The following DCDC2 variants were observed in gnomAD, a reference collection of about 807,000 sequenced individuals.
DCDC2 encodes doublecortin domain-containing protein 2.
In DCDC2, 40 loss-of-function variants were observed where a neutral mutation model predicts 50.2. The observed-to-expected ratio is 0.80, with a 90% CI of 0.62 to 1.04. The LOEUF (loss-of-function observed/expected upper bound fraction) is 1.04, where lower values mean the gene tolerates loss of function less well. Among genes scored for constraint, DCDC2 ranks in the 50% least tolerant of loss-of-function variants. The pLI is 0.00. For synonymous variants in DCDC2, 234 were observed against 210.6 expected, an observed-to-expected ratio of 1.11 and a Z score of -0.96; for missense variants, 570 against 581.9, an observed-to-expected ratio of 0.98 and a Z score of 0.21.
At chr6:24,370,731 T>C in the DCDC2 span, among the ~76,000 whole-genome samples, 3 of 152,196 alleles carry the variant, frequency 2.0e-5, no homozygotes, top group Admixed American at 2.0e-4. Context: ...AATAAAAACG[T>C]AGATTCGCAT....
At chr6:24,345,936 T>C (rs1760245780) in intron 2 of DCDC2, among the ~76,000 whole-genome samples, 1 of 152,114 alleles carries the variant, frequency 6.6e-6, no homozygotes, top group Non-Finnish European at 1.5e-5. Flanking sequence ...TCCCAGCACT[T>C]TGGGAGGCCG....
intron 7 of DCDC2, among the ~76,000 whole-genome samples, chr6:24,220,849 G>A (rs1009172947): frequency 7.2e-4 from 12 of 16,768 alleles, no homozygotes; most frequent in Admixed American, 2.4e-3. Flanking sequence ...CTTACATGGC[G>A]GCAGGAGAGA....
In DCDC2 at chr6:24,357,625, G is replaced by A. The variant is rs750478693; in HGVS notation, c.126C>T (p.Ser42=). 1.4e-5 allele frequency: 23 copies of A among 1,613,500 alleles called. No homozygotes were observed. In the South Asian group the frequency reaches 2.2e-4, roughly 15 times the overall value. ...CCTCCTTCAGGAAGACTTCGAAGCTGGACACCTTCTTCTCATGGATGACGA... is the reference window on the plus strand; with the variant it reads ...CCTCCTTCAGGAAGACTTCGAAGCTAGACACCTTCTTCTCATGGATGACGA... The part of the protein sequence containing the change: ...RRVVIHEKKV[S]SFEVFLKEVT... Residue 42 remains serine, a synonymous_variant, in exon 1 of 10, where the codon TCC becomes TCT. Transcript: ENST00000378454.
intron 2 of DCDC2, among the ~76,000 whole-genome samples, chr6:24,306,709 T>C (rs1397994636): frequency 6.6e-6 from 1 of 152,182 alleles, no homozygotes; most frequent in Non-Finnish European, 1.5e-5. Flanking sequence ...CTCCAATATA[T>C]CACCCTGTCT....
At chr6:24,178,195 G>T in intron 9 of DCDC2, 135 bp downstream of exon 9, 1 of 824,984 alleles carries the variant, frequency 1.2e-6, no homozygotes, top group Non-Finnish European at 1.9e-6. Flanking sequence ...GGATTAAATG[G>T]TATTGGATCT....
At chr6:24,208,393 TG>T (rs1205845152) in intron 7 of DCDC2, among the ~76,000 whole-genome samples, 1 of 129,516 alleles carries the variant, frequency 7.7e-6, no homozygotes, top group East Asian at 2.3e-4. Context: ...TTTTTTGAGA[TG>T]GAGTCTCACT....
chr6:24,326,202 G>A (rs796426715), intron 2 of DCDC2, among the ~76,000 whole-genome samples: 2 of 139,708 alleles, frequency 1.4e-5, no homozygotes, highest in Non-Finnish European at 3.2e-5. Context: ...AGAAAGGAAG[G>A]AAGGAAAGAA....
intron 4 of DCDC2, among the ~76,000 whole-genome samples, chr6:24,294,067 C>T (rs538679654): frequency 6.6e-6 from 1 of 152,260 alleles, no homozygotes; most frequent in East Asian, 1.9e-4. Flanking sequence ...ATGCCCACAT[C>T]AAAAAGTTGC....
intron 8 of DCDC2, among the ~76,000 whole-genome samples, chr6:24,204,376 C>G (rs961539826): frequency 1.6e-4 from 25 of 152,268 alleles, no homozygotes; most frequent in African/African-American, 6.0e-4. Flanking sequence ...TCTCAGCAAA[C>G]TAACACAGGA....
chr6:24,296,118 A>G (rs1021749048), intron 4 of DCDC2, among the ~76,000 whole-genome samples: 2 of 152,202 alleles, frequency 1.3e-5, no homozygotes, highest in African/African-American at 4.8e-5. Context: ...GTATTGGGAC[A>G]AAAACAGACA....
chr6:24,225,408 T>TACAC lies in DCDC2; in HGVS notation c.923-20310_923-20307dup, dbSNP rs149354141. 9.6e-3 allele frequency among the ~76,000 whole-genome samples: 1,457 copies of TACAC among 151,462 alleles called. 12 individuals carry two copies. The highest frequency in any genetic ancestry group is 0.019 in the African/African-American group (787 of 41,296). ...CAGAAAAACATGCAGTTAAACTTGA[T>TACAC]ACACACACACACACACAAATATGTG... On this transcript the variant is annotated intron_variant, in intron 7 of 9. Transcript: ENST00000378454.
rs1024316971 is a variant in DCDC2 at position 24,345,036 on chromosome 6, A to G, written c.348+8533T>C. Among the ~76,000 whole-genome samples the G allele has an allele frequency of 2.6e-5, 4 of 152,306 alleles. No homozygotes were observed. The East Asian group carries it at 7.7e-4, about 29-fold the overall frequency. On this transcript the variant is annotated intron_variant, in intron 2 of 9. Transcript: ENST00000378454. ...ATAAACCTGACTAACATAATCCGGA[A>G]AGTTTTCCTCAAGTTAACATAATCT...
intron 8 of DCDC2, among the ~76,000 whole-genome samples, chr6:24,196,102 A>T (rs1761430790): frequency 6.6e-6 from 1 of 152,220 alleles, no homozygotes. Context: ...GACATTAACT[A>T]GCTAATGGCC....
At chr6:24,185,697 A>G (rs1193399709) in intron 8 of DCDC2, among the ~76,000 whole-genome samples, 3 of 57,382 alleles carry the variant, frequency 5.2e-5, no homozygotes, top group African/African-American at 2.4e-4. Flanking sequence ...ATACACACAC[A>G]CACACACACA....
the DCDC2 span, among the ~76,000 whole-genome samples, chr6:24,374,161 CAAA>C: frequency 5.1e-5 from 3 of 59,068 alleles, no homozygotes; most frequent in African/African-American, 5.8e-5. Context: ...GACTCCATTT[CAAA>C]AAAAAAAAAA....
At chr6:24,331,720 T>C (rs962352298) in intron 2 of DCDC2, among the ~76,000 whole-genome samples, 4 of 152,148 alleles carry the variant, frequency 2.6e-5, no homozygotes, top group South Asian at 2.1e-4. Flanking sequence ...TCAGACTAAA[T>C]TGTACATGTA....
intron 5 of DCDC2, among the ~76,000 whole-genome samples, chr6:24,290,365 A>G (rs993260372): frequency 5.3e-5 from 8 of 152,194 alleles, no homozygotes; most frequent in African/African-American, 1.9e-4. Context: ...AATATATGAC[A>G]TTTCATGGAG....
intron 7 of DCDC2, among the ~76,000 whole-genome samples, chr6:24,220,391 AC>A (rs1387631795): frequency 6.6e-6 from 1 of 152,238 alleles, no homozygotes; most frequent in Non-Finnish European, 1.5e-5. Flanking sequence ...ATTAACAACA[AC>A]AAAAAAACAA....
chr6:24,192,541 T>C (rs1192439169), intron 8 of DCDC2, among the ~76,000 whole-genome samples: 1 of 151,858 alleles, frequency 6.6e-6, no homozygotes, highest in African/African-American at 2.4e-5. Context: ...GAAAGGAAAG[T>C]GTAAAATAAT....
Sources: allele counts gnomAD v4.1 joint callset (sites outside exome capture counted in the v4.1 genomes callset), GRCh38; gene constraint gnomAD v4.1.1; transcripts MANE v1.5; gene names NCBI Gene and HGNC (gene_info 2026-07-23, HGNC 2026-07-21).